FOXP2: variants seen among roughly 807,000 people sequenced by gnomAD.
FOXP2 encodes forkhead box P2.
FOXP2 carries 12 observed loss-of-function variants against 115.8 expected under a neutral mutation model. That is an observed-to-expected ratio of 0.10 (90% confidence interval 0.07 to 0.17). The LOEUF is 0.17. Among genes scored for constraint, FOXP2 ranks in the 10% least tolerant of loss-of-function variants. The pLI, the probability that FOXP2 is intolerant of heterozygous loss-of-function variation, is 1.00. For synonymous variants in FOXP2, 328 were observed against 297.7 expected (o/e 1.10, Z -1.05); for missense variants, 629 against 843.5 (o/e 0.75, Z 3.15).
chr7:114,212,399 T>C (rs1794380702), intron 1 of FOXP2, among the ~76,000 whole-genome samples: 1 of 152,106 alleles, frequency 6.6e-6, no homozygotes, highest in African/African-American at 2.4e-5. Context: ...TATTCTTTAA[T>C]TTGCAAACAA....
At chr7:114,434,263 G>A (rs1332431057) in intron 2 of FOXP2, among the ~76,000 whole-genome samples, 1 of 151,724 alleles carries the variant, frequency 6.6e-6, no homozygotes, top group African/African-American at 2.4e-5. Context: ...AAAATGTGTT[G>A]CTTTATAAAG....
intron 2 of FOXP2, among the ~76,000 whole-genome samples, chr7:114,355,613 T>C (rs1387612458): frequency 6.6e-6 from 1 of 152,134 alleles, no homozygotes; most frequent in East Asian, 1.9e-4. Flanking sequence ...GTTACAGAGC[T>C]GCTTCTTATC....
intron 6 of FOXP2, among the ~76,000 whole-genome samples, chr7:114,633,535 T>C (rs1170120791): frequency 1.3e-5 from 2 of 152,298 alleles, no homozygotes; most frequent in East Asian, 3.9e-4. Flanking sequence ...TTCATTAATA[T>C]AGGTTAAAAA....
chr7:114,233,678 G>A (rs1439225567), intron 1 of FOXP2, among the ~76,000 whole-genome samples: 2 of 152,164 alleles, frequency 1.3e-5, no homozygotes, highest in African/African-American at 2.4e-5. Flanking sequence ...TAAAATTGAT[G>A]CTTTTGGGAG....
At chr7:114,215,644 T>C (rs1005799943) in intron 1 of FOXP2, among the ~76,000 whole-genome samples, 1 of 152,118 alleles carries the variant, frequency 6.6e-6, no homozygotes, top group Admixed American at 6.5e-5. Flanking sequence ...TTAGCATTGG[T>C]TAAGATACTG....
At chr7:114,246,076 T>A (rs1228493140) in intron 1 of FOXP2, among the ~76,000 whole-genome samples, 1 of 152,134 alleles carries the variant, frequency 6.6e-6, no homozygotes, top group East Asian at 1.9e-4. Flanking sequence ...ATACTGGAAG[T>A]GGAAGCCAAA....
At position 114,579,993 on chromosome 7, in the gene FOXP2, A is replaced by T. The variant is rs567297591; in HGVS notation, c.258+45287A>T. Reference sequence around the variant, plus strand: ...GAGAGGTTTATTTGAGGTAAAGTTTAAAAAAAATCTTATTGGCATATGTAG... The same window carrying T: ...GAGAGGTTTATTTGAGGTAAAGTTTTAAAAAAATCTTATTGGCATATGTAG... On this transcript the variant is annotated intron_variant, in intron 3 of 16. Coordinates refer to ENST00000350908, the MANE Select transcript of FOXP2 (RefSeq NM_014491.4). Among the ~76,000 whole-genome samples the T allele has an allele frequency of 5.1e-4, 77 of 152,212 alleles. 2 individuals carry two copies. In the South Asian group the frequency reaches 0.015, roughly 29 times the overall value.
chr7:114,186,285 T>G (rs1160461271), intron 1 of FOXP2, among the ~76,000 whole-genome samples: 1 of 152,020 alleles, frequency 6.6e-6, no homozygotes, highest in Non-Finnish European at 1.5e-5. Context: ...AAGTGTAGAG[T>G]TTCACATATG....
chr7:114,615,579 C>A (rs1215868172), intron 3 of FOXP2, among the ~76,000 whole-genome samples: 1 of 152,202 alleles, frequency 6.6e-6, no homozygotes, highest in Non-Finnish European at 1.5e-5. Flanking sequence ...TGGGCTGTCT[C>A]AACTTCCTTC....
chr7:114,189,432 A>G (rs750304354), intron 1 of FOXP2, among the ~76,000 whole-genome samples: 1 of 152,180 alleles, frequency 6.6e-6, no homozygotes, highest in Non-Finnish European at 1.5e-5. Context: ...CTTTAAAATT[A>G]TATGTGGAAA....
chr7:114,557,563 ATTGAG>A (rs1281042720), intron 3 of FOXP2, among the ~76,000 whole-genome samples: 2 of 146,600 alleles, frequency 1.4e-5, no homozygotes, highest in African/African-American at 5.3e-5. Flanking sequence ...GCATTATAAA[ATTGAG>A]TTAAGATTGT....
intron 2 of FOXP2, among the ~76,000 whole-genome samples, chr7:114,378,684 CAAAAAA>C (rs398005920): frequency 1.1e-4 from 2 of 18,092 alleles, no homozygotes; most frequent in African/African-American, 3.8e-4. Flanking sequence ...ACCCTGTCTC[CAAAAAA>C]AAAAAAAAAA....
intron 1 of FOXP2, among the ~76,000 whole-genome samples, chr7:114,276,572 G>T (rs533920224): frequency 6.6e-6 from 1 of 152,216 alleles, no homozygotes; most frequent in South Asian, 2.1e-4. Context: ...ACAAGCTGGT[G>T]GGGGAGTATA....
chr7:114,651,968 C>A (rs2129337686), intron 8 of FOXP2, among the ~76,000 whole-genome samples: 1 of 152,226 alleles, frequency 6.6e-6, no homozygotes, highest in Middle Eastern at 3.4e-3. Context: ...TTTGTAATAA[C>A]AGGTAAGCTT....
intron 2 of FOXP2, among the ~76,000 whole-genome samples, chr7:114,350,814 C>A (rs1333430672): frequency 6.6e-6 from 1 of 151,912 alleles, no homozygotes; most frequent in East Asian, 1.9e-4. Context: ...TACAATTGAC[C>A]TTCAGTATCC....
rs1797664948 is a variant in FOXP2, at chr7:114,503,597, G to C, written c.169-31020G>C. On this transcript the variant is annotated intron_variant, in intron 2 of 16. Coordinates refer to ENST00000350908, the MANE Select transcript of FOXP2 (RefSeq NM_014491.4). The stretch of plus-strand genomic sequence containing the variant: ...TTCTTGTTTTAATATAATTTATTTT[G>C]TTGGAATTATTATTTAATATAATTA... Among the ~76,000 whole-genome samples, 5 of 150,284 alleles carry C rather than the reference G, an allele frequency of 3.3e-5. No homozygotes were observed. In the South Asian group the frequency reaches 1.0e-3, roughly 31 times the overall value.
chr7:114,244,605 A>G (rs1229406595), intron 1 of FOXP2, among the ~76,000 whole-genome samples: 1 of 152,186 alleles, frequency 6.6e-6, no homozygotes. Flanking sequence ...CATACAGATT[A>G]TTTAACTTAA....
At position 114,134,416 on chromosome 7, in the gene FOXP2, A is replaced by AT. The variant is rs575222345; in HGVS notation, c.-246-28523dup. On this transcript the variant is annotated intron_variant, in intron 1 of 19. Coordinates refer to the FOXP2 transcript ENST00000635638. ...TATGGCTTTCAATGAATCTTCACAG[A>AT]TTTTTAATAACTATCTTAAGAAATG... is the stretch of plus-strand genomic sequence containing the variant. Among the ~76,000 whole-genome samples, 13 of 152,284 alleles carry AT rather than the reference A, an allele frequency of 8.5e-5. No individual in the cohort carries two copies. In the South Asian group the frequency reaches 2.7e-3, roughly 32 times the overall value.
chr7:114,398,737 A>G (rs1792804615), intron 2 of FOXP2, among the ~76,000 whole-genome samples: 1 of 152,240 alleles, frequency 6.6e-6, no homozygotes, highest in Non-Finnish European at 1.5e-5. Context: ...TCTTGGGTTC[A>G]TATATCCAGG....
Sources: gnomAD v4.1 joint callset for allele counts (sites outside exome capture counted in the v4.1 genomes callset) on GRCh38, gnomAD v4.1.1 for gene constraint, MANE v1.5 for transcripts, NCBI Gene and HGNC (gene_info 2026-07-23, HGNC 2026-07-21) for gene names.